Variants in GRID1 observed in about 807,000 individuals in gnomAD.
GRID1 encodes the protein glutamate ionotropic receptor delta type subunit 1, also known as glutamate receptor ionotropic, delta-1.
A neutral mutation model predicts 98.0 loss-of-function variants in GRID1; 28 were observed. That is an observed-to-expected ratio of 0.29 (90% confidence interval 0.21 to 0.39). The LOEUF is 0.39. Ranked by LOEUF, GRID1 falls within the 10% of genes least tolerant of loss-of-function variation. The probability of loss-of-function intolerance (pLI) is 1.00; values close to 1 mark genes in which losing one functional copy is unlikely to be tolerated. For missense variants in GRID1, 1,111 were observed against 1,340.5 expected (o/e 0.83, Z 2.67); for synonymous variants, 553 against 538.5 (o/e 1.03, Z -0.37).
chr10:86,296,366 GTGGTGAGA>G (rs1317200003), intron 2 of GRID1, among the ~76,000 whole-genome samples: 2 of 152,236 alleles, frequency 1.3e-5, no homozygotes, highest in African/African-American at 4.8e-5. Context: ...GCTTGTTAAG[GTGGTGAGA>G]TGGTGGTTCC....
rs143256308 is a variant in GRID1 at position 86,009,178 on chromosome 10, A to G, written c.727-92939T>C. 7.5e-4 allele frequency among the ~76,000 whole-genome samples: 114 copies of G among 152,316 alleles called. 2 individuals carry two copies. The East Asian group carries it at 0.016, about 22-fold the overall frequency. On this transcript the variant is annotated intron_variant, in intron 4 of 15. Transcript: ENST00000327946. ...GACAATTTTTTTTGAAAGGACACCC[A>G]TTTCCCTGGTCAGACAAATGCTGTG...
chr10:86,019,866 T>C lies in GRID1; in HGVS notation c.727-103627A>G, dbSNP rs553429330. On this transcript the variant is annotated intron_variant, in intron 4 of 15. Coordinates refer to ENST00000327946, the MANE Select transcript of GRID1 (RefSeq NM_017551.3). ...CAGGGTGGTTCGAGGAGCACACTGA[T>C]GGCAGCAGCCAGCTCACTGGCAGCC... 1.2e-4 allele frequency among the ~76,000 whole-genome samples: 18 copies of C among 152,370 alleles called. 1 individual carries two copies. Among genetic ancestry groups the C allele is most frequent in the Admixed American group, 2.6e-4 (4 of 15,310 alleles).
intron 8 of GRID1, among the ~76,000 whole-genome samples, chr10:85,734,840 G>A (rs1454923654): frequency 6.6e-6 from 1 of 152,020 alleles, no homozygotes; most frequent in Non-Finnish European, 1.5e-5. Context: ...AGAAAAGCAC[G>A]GTTCACAAGA....
chr10:85,830,114 T>C (rs1168115435), intron 8 of GRID1, among the ~76,000 whole-genome samples: 2 of 152,064 alleles, frequency 1.3e-5, no homozygotes, highest in Non-Finnish European at 2.9e-5. Context: ...AAGAGACACA[T>C]AGACCAATGG....
At chr10:85,618,928 G>T (rs189683615) in intron 14 of GRID1, among the ~76,000 whole-genome samples, 30 of 152,340 alleles carry the variant, frequency 2.0e-4, no homozygotes, top group African/African-American at 7.2e-4. Flanking sequence ...TCTCCAAATA[G>T]AAGTTCCTTA....
chr10:85,982,667 G>A (rs1388753791), intron 4 of GRID1, among the ~76,000 whole-genome samples: 2 of 152,188 alleles, frequency 1.3e-5, no homozygotes, highest in Non-Finnish European at 2.9e-5. Context: ...AGCAATCCCA[G>A]TATCACATGG....
In GRID1 at chr10:85,599,820, T is replaced by TATATATATATAA. The variant is rs1842548124; in HGVS notation, c.*2452_*2453insTTATATATATAT. The TATATATATATAA allele has an allele frequency of 8.5e-6, 1 of 117,020 alleles. No individual in the cohort carries two copies. Among genetic ancestry groups the TATATATATATAA allele is most frequent in the Admixed American group, 8.8e-5 (1 of 11,314 alleles). The allele number at this position is 117,020 out of a possible 1,614,324, so 7.2% of individuals were successfully genotyped here. ...AAAAAAAAATATATATATATATATA[T>TATATATATATAA]AAACATGGTGAAGAATAACACCATG... On this transcript the variant is annotated 3_prime_UTR_variant, in exon 16 of 16. Transcript: ENST00000327946.
At chr10:85,759,707 T>C (rs1406445509) in intron 8 of GRID1, among the ~76,000 whole-genome samples, 1 of 152,252 alleles carries the variant, frequency 6.6e-6, no homozygotes, top group Admixed American at 6.5e-5. Flanking sequence ...CTGATCTGCA[T>C]AATTATGTAC....
Position 86,366,471 on chromosome 10 carries a change from G to A in GRID1, c.-79C>T. 5.8e-6 allele frequency: 6 copies of A among 1,031,484 alleles called. No individual in the cohort carries two copies. The South Asian group carries it at 8.7e-5, about 15-fold the overall frequency. 63.9% of individuals were successfully genotyped at this position (1,031,484 alleles called of 1,614,324 possible). ...CGCGAAGCGGGGAGGCGCTGGTCCCGGTGCAGTCCCGGGCCGCTCCCCGGG... is the reference window on the plus strand; with the variant it reads ...CGCGAAGCGGGGAGGCGCTGGTCCCAGTGCAGTCCCGGGCCGCTCCCCGGG... On this transcript the variant is annotated 5_prime_UTR_variant, in exon 1 of 16. Coordinates refer to ENST00000327946, the MANE Select transcript of GRID1 (RefSeq NM_017551.3). The surrounding 1 kb of genome is among the most constrained non-coding windows in gnomAD (Gnocchi z 4.1).
At position 86,028,364 on chromosome 10, in the gene GRID1, A is replaced by G. The variant is rs186686555; in HGVS notation, c.726+110455T>C. 2.7e-3 allele frequency among the ~76,000 whole-genome samples: 417 copies of G among 152,304 alleles called. 3 individuals carry two copies. The highest frequency in any genetic ancestry group is 9.3e-3 in the African/African-American group (385 of 41,554). ...TATACTCATCAAGGCTATGGAATTAAGGTCCCAGGCCATGGGATTAGAAGC... is the reference window on the plus strand; with the variant it reads ...TATACTCATCAAGGCTATGGAATTAGGGTCCCAGGCCATGGGATTAGAAGC... On this transcript the variant is annotated intron_variant, in intron 4 of 15. Transcript: ENST00000327946.
At chr10:85,628,535 A>C (rs952452434) in intron 13 of GRID1, among the ~76,000 whole-genome samples, 2 of 152,198 alleles carry the variant, frequency 1.3e-5, no homozygotes, top group African/African-American at 4.8e-5. Context: ...GCTGGAGATA[A>C]AGAGCCCATC....
intron 5 of GRID1, among the ~76,000 whole-genome samples, chr10:85,882,383 A>T (rs1171674269): frequency 2.6e-5 from 4 of 152,200 alleles, no homozygotes; most frequent in Non-Finnish European, 4.4e-5. Flanking sequence ...CAAATGTCCA[A>T]CAATGATAGA....
chr10:85,807,788 T>C (rs997479456), intron 8 of GRID1, among the ~76,000 whole-genome samples: 5 of 152,196 alleles, frequency 3.3e-5, no homozygotes, highest in Non-Finnish European at 5.9e-5. Flanking sequence ...GTATAATTAA[T>C]ATAACCACAT....
Position 86,365,137 on chromosome 10 carries a change from G to A in GRID1, c.80-1041C>T, listed in dbSNP as rs554530997. On this transcript the variant is annotated intron_variant, in intron 1 of 15. Transcript: ENST00000327946. This position sits in a 1 kb window ranked among gnomAD's most constrained non-coding sequence, Gnocchi z 4.8. ...CGGAGCCGGCGCCGCAATGCTGACC[G>A]CGAGACCCGCACCCCTCCAGGGCGG... is the stretch of plus-strand genomic sequence containing the variant. Among the ~76,000 whole-genome samples the A allele has an allele frequency of 2.0e-5, 3 of 152,120 alleles. No individual in the cohort carries two copies. Among genetic ancestry groups the A allele is most frequent in the South Asian group, 2.1e-4 (1 of 4,814 alleles).
chr10:85,848,236 A>T (rs1843025395), intron 8 of GRID1, among the ~76,000 whole-genome samples: 1 of 152,144 alleles, frequency 6.6e-6, no homozygotes, highest in Admixed American at 6.5e-5. Flanking sequence ...TATCATGTAC[A>T]TCAGGAGCCT....
intron 4 of GRID1, among the ~76,000 whole-genome samples, chr10:86,029,803 T>C (rs984129548): frequency 3.3e-5 from 5 of 151,916 alleles, no homozygotes; most frequent in African/African-American, 9.7e-5. Flanking sequence ...TTCTGCCAGG[T>C]AATGAAAGTG....
Position 86,366,739 on chromosome 10 carries a change from G to A in GRID1, c.-347C>T, listed in dbSNP as rs1276149710. Reference sequence around the variant, plus strand: ...GCTGAGGCGGTGGCGGCGGCGGCCGGGCCGGCGTGGCGGCTCTGGGCTGGC... The same window carrying A: ...GCTGAGGCGGTGGCGGCGGCGGCCGAGCCGGCGTGGCGGCTCTGGGCTGGC... On this transcript the variant is annotated 5_prime_UTR_variant, in exon 1 of 16. Transcript: ENST00000327946. The surrounding 1 kb of genome is among the most constrained non-coding windows in gnomAD (Gnocchi z 4.1). Among the ~76,000 whole-genome samples, 2 of 150,320 alleles carry A rather than the reference G, an allele frequency of 1.3e-5. No individual in the cohort carries two copies. Among genetic ancestry groups the A allele is most frequent in the Admixed American group, 6.6e-5 (1 of 15,128 alleles).
chr10:86,236,694 G>A (rs2607845), intron 2 of GRID1, among the ~76,000 whole-genome samples: 132,495 of 152,222 alleles, frequency 0.87, 58,258 homozygotes, highest in African/African-American at 0.91. Flanking sequence ...GGAGCACTGA[G>A]AATGGAGCAC....
At chr10:86,303,875 T>C (rs1847723630) in intron 2 of GRID1, among the ~76,000 whole-genome samples, 1 of 152,244 alleles carries the variant, frequency 6.6e-6, no homozygotes, top group African/African-American at 2.4e-5. Context: ...CCCTCTAAGA[T>C]CTGCCTCCAC....
Sources: allele counts gnomAD v4.1 joint callset (sites outside exome capture counted in the v4.1 genomes callset), GRCh38; gene constraint gnomAD v4.1.1; non-coding constraint Gnocchi (gnomAD v3.1); transcripts MANE v1.5; gene names NCBI Gene and HGNC (gene_info 2026-07-23, HGNC 2026-07-21).